The following CADPS variants were observed in gnomAD, a reference collection of about 807,000 sequenced individuals.
CADPS encodes the protein calcium dependent secretion activator, also known as calcium-dependent secretion activator 1.
Under a neutral mutation model 167.3 loss-of-function variants are expected in CADPS, and 57 were observed. The ratio of observed to expected loss-of-function variants is 0.34; its 90% CI spans 0.28 to 0.42. The LOEUF (loss-of-function observed/expected upper bound fraction) is 0.42. CADPS is among the 20% of genes least tolerant of loss of function. The probability of loss-of-function intolerance (pLI) is 1.00; values close to 1 mark genes in which losing one functional copy is unlikely to be tolerated. For synonymous variants in CADPS, 676 were observed against 635.3 expected (o/e 1.06, Z -0.96); for missense variants, 1,414 against 1,738.1 (o/e 0.81, Z 3.32).
intron 17 of CADPS, chr3:62,500,540 C>A (rs1050600049): frequency 6.6e-6 from 1 of 152,082 alleles, no homozygotes; most frequent in Admixed American, 6.6e-5. Context: ...CATGTTTAGC[C>A]CCCTTCAAAC....
intron 17 of CADPS, chr3:62,500,314 C>T (rs2065532286): frequency 6.6e-6 from 1 of 152,320 alleles, no homozygotes; most frequent in African/African-American, 2.4e-5. Context: ...CGCCACCACG[C>T]CGGGCTGATT....
chr3:62,544,819 A>G lies in CADPS; in HGVS notation c.1966+5084T>C. The G allele has an allele frequency of 8.6e-7, 1 of 1,163,724 alleles. No individual in the cohort carries two copies. The highest frequency in any genetic ancestry group is 1.6e-5 in the African/African-American group (1 of 61,194). The allele number at this position is 1,163,724 out of a possible 1,614,324, so 72.1% of individuals were successfully genotyped here. A position where few individuals can be genotyped will look rare whatever the true frequency, so the allele number is the denominator to read the frequency against. On this transcript the variant is annotated intron_variant, in intron 11 of 29. Coordinates refer to ENST00000383710, the MANE Select transcript of CADPS (RefSeq NM_003716.4). The surrounding 1 kb of genome is among the most constrained non-coding windows in gnomAD (Gnocchi z 4.4). The stretch of plus-strand genomic sequence containing the variant: ...TCAGATAATCTAATCTGATTATCTG[A>G]GCTGTGCTAGCTATAGGGGAGCACT...
intron 1 of CADPS, among the ~76,000 whole-genome samples, chr3:62,813,385 G>A (rs1418791835): frequency 6.6e-6 from 1 of 152,044 alleles, no homozygotes; most frequent in Non-Finnish European, 1.5e-5. Flanking sequence ...TGTACAATAA[G>A]TGGTGCTGAG....
At chr3:62,641,198 C>T (rs1437195018) in intron 6 of CADPS, among the ~76,000 whole-genome samples, 1 of 152,164 alleles carries the variant, frequency 6.6e-6, no homozygotes, top group Non-Finnish European at 1.5e-5. Flanking sequence ...GGGATCTAAA[C>T]AAGGCTATGA....
intron 28 of CADPS, among the ~76,000 whole-genome samples, chr3:62,415,531 A>C (rs2049894683): frequency 6.6e-6 from 1 of 152,086 alleles, no homozygotes; most frequent in Non-Finnish European, 1.5e-5. Context: ...CGACATTCAA[A>C]AGCTGACATG....
intron 6 of CADPS, among the ~76,000 whole-genome samples, chr3:62,604,954 T>C (rs532771990): frequency 6.6e-6 from 1 of 152,338 alleles, no homozygotes; most frequent in Admixed American, 6.5e-5. Context: ...CTATTTAATT[T>C]CCAACACTGG....
At chr3:62,542,448 C>T (rs1349596) in intron 11 of CADPS, among the ~76,000 whole-genome samples, 9,187 of 152,044 alleles carry the variant, frequency 0.06, 632 homozygotes, top group African/African-American at 0.16. Flanking sequence ...ATGACAATGA[C>T]TGATGGCAGC....
At chr3:62,698,232 A>C (rs2080707209) in intron 3 of CADPS, among the ~76,000 whole-genome samples, 1 of 152,096 alleles carries the variant, frequency 6.6e-6, no homozygotes, top group African/African-American at 2.4e-5. Flanking sequence ...ATGCTCTAAA[A>C]TGTTTGCTAC....
intron 17 of CADPS, among the ~76,000 whole-genome samples, chr3:62,511,908 G>A (rs1338840417): frequency 6.6e-6 from 1 of 152,148 alleles, no homozygotes; most frequent in Non-Finnish European, 1.5e-5. Flanking sequence ...GAATGAATGA[G>A]TGAATAAATG....
Position 62,489,456 on chromosome 3 carries a change from G to A in CADPS, c.3026+1883C>T, listed in dbSNP as rs781462350. ...ATTACTGGCGTGAGCCGCCGCACCC[G>A]GCCGTGTTTGACTTTTAAGAAATTT... On this transcript the variant is annotated intron_variant, in intron 21 of 29. Coordinates refer to ENST00000383710, the MANE Select transcript of CADPS (RefSeq NM_003716.4). Among the ~76,000 whole-genome samples, 6 of 152,206 alleles carry A rather than the reference G, an allele frequency of 3.9e-5. No individual in the cohort carries two copies. The East Asian group carries it at 7.7e-4, about 20-fold the overall frequency.
At position 62,753,105 on chromosome 3, in the gene CADPS, A is replaced by T. The variant is rs563287720; in HGVS notation, c.888+336T>A. On this transcript the variant is annotated intron_variant, in intron 3 of 29. Coordinates refer to ENST00000383710, the MANE Select transcript of CADPS (RefSeq NM_003716.4). This position sits in a 1 kb window ranked among gnomAD's most constrained non-coding sequence, Gnocchi z 4.6. ...CCTTCAACTGGCAAACACCAAAGGC[A>T]GAACCATATTTTTTAAAAAATTGAT... Among the ~76,000 whole-genome samples the T allele has an allele frequency of 6.6e-6, 1 of 152,372 alleles. No homozygotes were observed. The highest frequency in any genetic ancestry group is 2.1e-4 in the South Asian group (1 of 4,832).
intron 1 of CADPS, among the ~76,000 whole-genome samples, chr3:62,804,549 G>A (rs911005020): frequency 4.6e-5 from 7 of 151,776 alleles, no homozygotes; most frequent in African/African-American, 1.7e-4. Flanking sequence ...ATTTATTTTT[G>A]GCTTGTTTTT....
At chr3:62,715,129 T>A (rs998381845) in intron 3 of CADPS, among the ~76,000 whole-genome samples, 2 of 152,172 alleles carry the variant, frequency 1.3e-5, no homozygotes, top group Non-Finnish European at 1.5e-5. Flanking sequence ...GAAATCTGCT[T>A]CAAAATCATC....
intron 5 of CADPS, among the ~76,000 whole-genome samples, chr3:62,649,725 AT>A (rs960101840): frequency 4.7e-5 from 7 of 147,960 alleles, no homozygotes; most frequent in African/African-American, 1.5e-4. Context: ...ATTAAAAAAA[AT>A]TTTTTTTTTG....
At chr3:62,838,227 G>C (rs1190166352) in intron 1 of CADPS, among the ~76,000 whole-genome samples, 1 of 152,188 alleles carries the variant, frequency 6.6e-6, no homozygotes, top group African/African-American at 2.4e-5. Flanking sequence ...GTAATGACAT[G>C]ATGAGGCTTG....
intron 28 of CADPS, among the ~76,000 whole-genome samples, chr3:62,426,561 G>A (rs532922345): frequency 1.3e-5 from 2 of 152,308 alleles, no homozygotes; most frequent in African/African-American, 2.4e-5. Flanking sequence ...TAGAGGCATC[G>A]CCTCATTTAG....
At chr3:62,703,449 T>C (rs2081783179) in intron 3 of CADPS, among the ~76,000 whole-genome samples, 1 of 152,000 alleles carries the variant, frequency 6.6e-6, no homozygotes, top group Non-Finnish European at 1.5e-5. Context: ...CCAGGGACTC[T>C]GTTGTGTGGA....
At chr3:62,839,380 G>A (rs1171654946) in intron 1 of CADPS, among the ~76,000 whole-genome samples, 1 of 152,030 alleles carries the variant, frequency 6.6e-6, no homozygotes, top group Non-Finnish European at 1.5e-5. Flanking sequence ...TAGTAGAAAC[G>A]GGGTTTCACC....
In CADPS at chr3:62,753,577, G is replaced by A. The variant is rs759339095; in HGVS notation, c.752C>T (p.Pro251Leu). Residue 251 changes from proline to leucine, a missense_variant, in exon 3 of 30, where the codon CCG becomes CTG. Pro to Leu is a moderately conservative substitution (Grantham distance 98). Around this residue, in one of 6 missense-constraint regions of CADPS, gnomAD observed 522 missense variants for 559.5 expected, o/e 0.93. Transcript: ENST00000383710. The surrounding 1 kb of genome is among the most constrained non-coding windows in gnomAD (Gnocchi z 4.6). The part of the protein sequence containing the change: ...FDAIYRGEED[P>L]RKQQARMTAS... Reference sequence around the variant, plus strand: ...TGTCATCCGGGCCTGCTGCTTCCGCGGGTCCTCTTCTCCACGGTAGATGGC... The same window carrying A: ...TGTCATCCGGGCCTGCTGCTTCCGCAGGTCCTCTTCTCCACGGTAGATGGC... 5.6e-6 allele frequency: 9 copies of A among 1,613,942 alleles called. No homozygotes were observed. Among genetic ancestry groups the A allele is most frequent in the African/African-American group, 5.3e-5 (4 of 74,888 alleles).
Sources: allele counts gnomAD v4.1 joint callset (sites outside exome capture counted in the v4.1 genomes callset), GRCh38; gene constraint gnomAD v4.1.1; regional missense constraint gnomAD v4.1.1; non-coding constraint Gnocchi (gnomAD v3.1); transcripts MANE v1.5; gene names NCBI Gene and HGNC (gene_info 2026-07-23, HGNC 2026-07-21).